The following PLOD1 variants were observed in gnomAD, a reference collection of about 807,000 sequenced individuals.
PLOD1 encodes the protein lysine hydroxylase.
A neutral mutation model predicts 94.7 loss-of-function variants in PLOD1; 70 were observed. The observed-to-expected ratio is 0.74, with a 90% confidence interval of 0.61 to 0.90. PLOD1 has a LOEUF of 0.90. PLOD1 is among the 40% of genes least tolerant of loss of function. The probability of loss-of-function intolerance (pLI) is 0.00; values close to 1 mark genes in which losing one functional copy is unlikely to be tolerated. For missense variants in PLOD1, 905 were observed against 972.7 expected, an observed-to-expected ratio of 0.93 and a Z score of 0.93; for synonymous variants, 417 against 400.2, an observed-to-expected ratio of 1.04 and a Z score of -0.50.
At position 11,935,785 on chromosome 1, in the gene PLOD1, T is replaced by C. The variant is rs544508972; in HGVS notation, c.76+930T>C. The stretch of plus-strand genomic sequence containing the variant: ...GATTACAGGCACGTGCCACCATGCC[T>C]AGCTAATTTTTGTATTTTTAGTTGA... On this transcript the variant is annotated intron_variant, in intron 1 of 18. Coordinates refer to ENST00000196061, the MANE Select transcript of PLOD1 (RefSeq NM_000302.4). Among the ~76,000 whole-genome samples the C allele has an allele frequency of 3.6e-3, 544 of 151,908 alleles. 2 individuals are homozygous for C. The highest frequency in any genetic ancestry group is 0.013 in the African/African-American group (522 of 41,454).
At chr1:11,971,332 C>T (rs143483237) in intron 17 of PLOD1, among the ~76,000 whole-genome samples, 1 of 148,448 alleles carries the variant, frequency 6.7e-6, no homozygotes, top group African/African-American at 2.5e-5. Context: ...AACATCCCAG[C>T]TTATGGGAGA....
chr1:11,945,436 A>C (rs1345258343), intron 1 of PLOD1, among the ~76,000 whole-genome samples: 4 of 150,158 alleles, frequency 2.7e-5, no homozygotes, highest in African/African-American at 4.9e-5. Context: ...AAAAAAAAAA[A>C]CCCAAAAAAC....
At chr1:11,956,854 G>T (rs1645741363) in intron 6 of PLOD1, 63 bp from the exon 7 acceptor site, 8 of 1,088,874 alleles carry the variant, frequency 7.3e-6, no homozygotes, top group Admixed American at 1.7e-5. Flanking sequence ...AGCCCAGCTG[G>T]TTGGACCCTG....
Position 11,958,456 on chromosome 1 carries a change from T to C in PLOD1, c.844-60T>C, listed in dbSNP as rs1645754659. ...CTGACTCCCTTGGGCCACCCTGGGGTGGAGTGGCAGTGCTGTGACTGGACA... is the reference window on the plus strand; with the variant it reads ...CTGACTCCCTTGGGCCACCCTGGGGCGGAGTGGCAGTGCTGTGACTGGACA... On this transcript the variant is annotated intron_variant, in intron 8 of 18. Coordinates refer to ENST00000196061, the MANE Select transcript of PLOD1 (RefSeq NM_000302.4). The surrounding 1 kb of genome is among the most constrained non-coding windows in gnomAD (Gnocchi z 4.3). 1 of 1,590,700 alleles carries C rather than the reference T, an allele frequency of 6.3e-7. No homozygotes were observed. Among genetic ancestry groups the C allele is most frequent in the South Asian group, 1.1e-5 (1 of 89,712 alleles).
chr1:11,964,914 G>C (rs954577883), intron 13 of PLOD1, 129 bp downstream of exon 13: 14 of 1,037,160 alleles, frequency 1.3e-5, no homozygotes, highest in Non-Finnish European at 1.9e-5. Flanking sequence ...ATTCTAGCAG[G>C]GCATCTCGGA....
chr1:11,968,670 T>C (rs1645839367), intron 16 of PLOD1, among the ~76,000 whole-genome samples: 1 of 151,232 alleles, frequency 6.6e-6, no homozygotes, highest in South Asian at 2.1e-4. Flanking sequence ...CCTGCCACCA[T>C]GCCCGACTAA....
At chr1:11,966,800 C>T (rs1359675300) in intron 15 of PLOD1, among the ~76,000 whole-genome samples, 187 bp from the exon 16 acceptor site, 1 of 152,154 alleles carries the variant, frequency 6.6e-6, no homozygotes, top group Non-Finnish European at 1.5e-5. Context: ...GCTCTGTGAC[C>T]TCGGCTGGGA....
intron 12 of PLOD1, 27 bp downstream of exon 12, chr1:11,964,327 T>TGGGG: frequency 2.7e-5 from 15 of 546,324 alleles, no homozygotes; most frequent in East Asian, 4.8e-5. Flanking sequence ...TGGGGGTGGG[T>TGGGG]GGGGGACACC....
At position 11,966,994 on chromosome 1, in the gene PLOD1, C is replaced by T. The variant is rs754569828; in HGVS notation, c.1658C>T (p.Pro553Leu). The change falls in exon 16 of 19, where the codon CCG (proline) becomes CTG (leucine). Residue 553 changes from proline (P) to leucine (L), a missense_variant. By Grantham distance (98) the Pro-to-Leu change is moderately conservative. Transcript: ENST00000196061. The stretch of plus-strand genomic sequence containing the variant: ...AGTCCCTGCCCTCCCCAGCCCTGCC[C>T]GGATGTCTATTGGTTCCCCATCTTC... ...LAGKLVETPC[P>L]DVYWFPIFTE... 2.4e-5 allele frequency: 39 copies of T among 1,610,370 alleles called. No homozygotes were observed. The highest frequency in any genetic ancestry group is 2.2e-4 in the East Asian group (10 of 44,862).
At chr1:11,960,790 C>T (rs1204903387) in intron 10 of PLOD1, 23 bp downstream of exon 10, 3 of 1,611,860 alleles carry the variant, frequency 1.9e-6, no homozygotes, top group East Asian at 2.2e-5. Flanking sequence ...CCACAGTACT[C>T]TCCACTGACA....
In PLOD1 at chr1:11,966,274, C is replaced by T. The variant is rs138289419; in HGVS notation, c.1608C>T (p.His536=). Residue 536 remains histidine, a synonymous_variant, in exon 15 of 19, where the codon CAC becomes CAT. Transcript: ENST00000196061. ...NPEDWKEKYI[H]QNYTKALAGK... The stretch of plus-strand genomic sequence containing the variant: ...AGGACTGGAAGGAGAAGTACATCCA[C>T]CAGAACTACACCAAAGCCCTGGCAG... 2.3e-5 allele frequency: 37 copies of T among 1,607,666 alleles called. No individual in the cohort carries two copies. In the African/African-American group the frequency reaches 4.3e-4, roughly 19 times the overall value.
intron 4 of PLOD1, among the ~76,000 whole-genome samples, 170 bp from the exon 5 acceptor site, chr1:11,952,453 T>C (rs1276145502): frequency 1.3e-5 from 2 of 152,202 alleles, no homozygotes; most frequent in Non-Finnish European, 2.9e-5. Context: ...GGCAGCCCCA[T>C]TTCCAACCTG....
chr1:11,945,069 A>G (rs968794198), intron 1 of PLOD1, among the ~76,000 whole-genome samples: 4 of 152,298 alleles, frequency 2.6e-5, no homozygotes, highest in African/African-American at 9.6e-5. Context: ...AGAAGGCTTC[A>G]TAGAGGTGGA....
Position 11,972,595 on chromosome 1 carries a change from C to T in PLOD1, c.1903-277C>T, listed in dbSNP as rs567657835. On this transcript the variant is annotated intron_variant, in intron 17 of 18. Coordinates refer to ENST00000196061, the MANE Select transcript of PLOD1 (RefSeq NM_000302.4). The surrounding 1 kb of genome is among the most constrained non-coding windows in gnomAD (Gnocchi z 4.6). The stretch of plus-strand genomic sequence containing the variant: ...TCTCTTCCCTTTCATTTCTTCTCTT[C>T]CCTTTTCCTCCCTTCCTCCCTCCCT... 30 of 426,564 alleles carry T rather than the reference C, an allele frequency of 7.0e-5. No homozygotes were observed. The highest frequency in any genetic ancestry group is 5.6e-4 in the African/African-American group (28 of 49,942). The allele number at this position is 426,564 out of a possible 1,614,324, so 26.4% of individuals were successfully genotyped here.
chr1:11,971,055 G>A (rs1469182641), intron 17 of PLOD1, among the ~76,000 whole-genome samples: 1 of 58,960 alleles, frequency 1.7e-5, no homozygotes, highest in Admixed American at 1.7e-4. Context: ...GCTGGGAGGG[G>A]TGGAGAGGAG....
At chr1:11,936,864 T>TTG (rs3047155) in intron 1 of PLOD1, among the ~76,000 whole-genome samples, 3 of 150,706 alleles carry the variant, frequency 2.0e-5, no homozygotes, top group Admixed American at 1.3e-4. Context: ...TTTTTTTTTT[T>TTG]GAGGCAGAGT....
In PLOD1 at chr1:11,950,461, G is replaced by T; in HGVS notation, c.407G>T (p.Arg136Leu). ...FSAEELIYPD[R>L]RLETKYPVVS... ...GCTGAGGAGCTCATCTACCCAGACCGCAGGCTGGAGACCAAGTATCCGGTG... is the reference window on the plus strand; with the variant it reads ...GCTGAGGAGCTCATCTACCCAGACCTCAGGCTGGAGACCAAGTATCCGGTG... Residue 136 changes from arginine to leucine, a missense_variant, in exon 4 of 19, where the codon CGC becomes CTC. Physicochemically the swap from Arg to Leu is moderately radical, Grantham distance 102. Coordinates refer to ENST00000196061, the MANE Select transcript of PLOD1 (RefSeq NM_000302.4). The T allele has an allele frequency of 6.2e-7, 1 of 1,614,092 alleles. No individual in the cohort carries two copies.
chr1:11,954,714 T>A (rs1030844729), intron 5 of PLOD1, 116 bp from the exon 6 acceptor site: 9 of 837,960 alleles, frequency 1.1e-5, no homozygotes, highest in Non-Finnish European at 1.7e-5. Flanking sequence ...CGTGGCAGAG[T>A]CGGTGTGGGG....
chr1:11,971,697 T>G, intron 17 of PLOD1: 1 of 152,262 alleles, frequency 6.6e-6, no homozygotes, highest in Admixed American at 6.6e-5. Flanking sequence ...CTTTCTTCCT[T>G]GTCATTAACC....
Sources: gnomAD v4.1 joint callset for allele counts (sites outside exome capture counted in the v4.1 genomes callset) on GRCh38, gnomAD v4.1.1 for gene constraint, Gnocchi (gnomAD v3.1) non-coding constraint, MANE v1.5 for transcripts, NCBI Gene and HGNC (gene_info 2026-07-23, HGNC 2026-07-21) for gene names.